The following DRC5 variants were observed in gnomAD, a reference collection of about 807,000 sequenced individuals.
DRC5 encodes dynein regulatory complex subunit 5.
the DRC5 span, among the ~76,000 whole-genome samples, chr6:44,288,993 C>CAAAA: frequency 6.3e-3 from 206 of 32,736 alleles, 20 homozygotes; most frequent in African/African-American, 0.021. Flanking sequence ...GACTCTGTCT[C>CAAAA]AAAAAAAAAA....
At chr6:44,285,880 C>G in the DRC5 span, 2 of 1,237,576 alleles carry the variant, frequency 1.6e-6, no homozygotes, top group Non-Finnish European at 2.3e-6. Context: ...AGGAAGAAGG[C>G]AATAATAGAG....
the DRC5 span, among the ~76,000 whole-genome samples, chr6:44,290,201 G>C: frequency 1.3e-5 from 2 of 151,938 alleles, no homozygotes; most frequent in African/African-American, 4.8e-5. Context: ...CTGCTTAGTG[G>C]TACCGGCTGA....
the DRC5 span, among the ~76,000 whole-genome samples, chr6:44,293,272 A>G: frequency 1.3e-5 from 2 of 148,768 alleles, no homozygotes; most frequent in Non-Finnish European, 3.0e-5. Flanking sequence ...AACAGTTACA[A>G]GGTCCTTTCA....
chr6:44,288,018 G>T, the DRC5 span: 8 of 609,774 alleles, frequency 1.3e-5, no homozygotes, highest in South Asian at 6.1e-5. Context: ...ATCAGTCCCT[G>T]GAGTGAAGCA....
At chr6:44,283,008 TAGCC>T in the DRC5 span, among the ~76,000 whole-genome samples, 1 of 152,024 alleles carries the variant, frequency 6.6e-6, no homozygotes, top group East Asian at 1.9e-4. Context: ...TTTACCGTGT[TAGCC>T]AGGATGGTCT....
the DRC5 span, among the ~76,000 whole-genome samples, chr6:44,285,732 T>C: frequency 1.3e-5 from 2 of 152,210 alleles, no homozygotes; most frequent in African/African-American, 4.8e-5. Context: ...GGACAGGGCC[T>C]GGAGCGCAGC....
the DRC5 span, among the ~76,000 whole-genome samples, chr6:44,289,123 C>A: frequency 6.7e-6 from 1 of 149,684 alleles, no homozygotes; most frequent in African/African-American, 2.5e-5. Context: ...CTGCAACCTC[C>A]ACCTCCAGGG....
chr6:44,283,774 C>T, the DRC5 span, among the ~76,000 whole-genome samples: 3 of 152,240 alleles, frequency 2.0e-5, no homozygotes, highest in Non-Finnish European at 2.9e-5. Context: ...CTATATTTCT[C>T]TGGCCAAAAT....
the DRC5 span, among the ~76,000 whole-genome samples, chr6:44,297,251 T>C: frequency 6.6e-6 from 1 of 152,124 alleles, no homozygotes; most frequent in Non-Finnish European, 1.5e-5. Flanking sequence ...GCGGGAGGGA[T>C]TACAGCCCTC....
At chr6:44,293,698 G>T in the DRC5 span, among the ~76,000 whole-genome samples, 1 of 152,186 alleles carries the variant, frequency 6.6e-6, no homozygotes, top group African/African-American at 2.4e-5. Context: ...TAGGCAAGAA[G>T]AAAGCATATT....
chr6:44,288,334 G>C, the DRC5 span, among the ~76,000 whole-genome samples: 2 of 152,240 alleles, frequency 1.3e-5, no homozygotes, highest in South Asian at 4.2e-4. Context: ...TTTTCAGATA[G>C]GTGCTTGTAT....
chr6:44,282,588 C>T, the DRC5 span: 15 of 1,544,960 alleles, frequency 9.7e-6, no homozygotes, highest in Admixed American at 2.7e-4. Context: ...TCTACAGCAA[C>T]TGCCAGCCAG....
chr6:44,286,484 A>G, the DRC5 span: 1 of 1,614,154 alleles, frequency 6.2e-7, no homozygotes, highest in South Asian at 1.1e-5. Flanking sequence ...CAGGTGGTTC[A>G]GGACCTTCTG....
At chr6:44,280,449 A>G in the DRC5 span, 1 of 1,287,100 alleles carries the variant, frequency 7.8e-7, no homozygotes, top group Non-Finnish European at 1.1e-6. Flanking sequence ...TCTGACACAC[A>G]TACTACACAT....
chr6:44,293,454 T>TA, the DRC5 span, among the ~76,000 whole-genome samples: 4 of 150,900 alleles, frequency 2.7e-5, no homozygotes, highest in East Asian at 5.9e-4. Context: ...CTCTAAAAAA[T>TA]AAAAAAAATC....
the DRC5 span, chr6:44,280,333 C>G: frequency 1.9e-6 from 3 of 1,614,164 alleles, 1 homozygote; most frequent in South Asian, 3.3e-5. Flanking sequence ...AGGCGCAAGT[C>G]AAATTCCAGG....
At chr6:44,291,456 A>T in the DRC5 span, among the ~76,000 whole-genome samples, 14 of 152,346 alleles carry the variant, frequency 9.2e-5, no homozygotes, top group East Asian at 1.9e-3. Context: ...TGTCACTGTT[A>T]TGAGGATGTG....
At chr6:44,291,620 C>G in the DRC5 span, among the ~76,000 whole-genome samples, 1 of 152,070 alleles carries the variant, frequency 6.6e-6, no homozygotes, top group South Asian at 2.1e-4. Context: ...CCATCTCTCA[C>G]GTGCCAAGGT....
chr6:44,293,306 CAAA>C, the DRC5 span, among the ~76,000 whole-genome samples: 11,861 of 88,626 alleles, frequency 0.13, 959 homozygotes, highest in East Asian at 0.56. Context: ...ACTATCCTCT[CAAA>C]AAAAAAAAAA....
Sources: allele counts gnomAD v4.1 joint callset (sites outside exome capture counted in the v4.1 genomes callset), GRCh38; gene constraint gnomAD v4.1.1; transcripts MANE v1.5; gene names NCBI Gene and HGNC (gene_info 2026-07-23, HGNC 2026-07-21).